UBAC2: variants seen among roughly 807,000 people sequenced by gnomAD.
The protein encoded by UBAC2 is UBA domain containing 2.
In UBAC2, 26 loss-of-function variants were observed where a neutral mutation model predicts 44.0. The ratio of observed to expected loss-of-function variants is 0.59; its 90% CI spans 0.43 to 0.82. UBAC2 has a LOEUF of 0.82. Ranked by LOEUF, UBAC2 falls within the 40% of genes least tolerant of loss-of-function variation. The pLI is 0.00. For synonymous variants in UBAC2, 155 were observed against 154.3 expected (o/e 1.00, Z -0.04); for missense variants, 329 against 419.4 (o/e 0.78, Z 1.88).
chr13:99,235,761 G>A (rs1157099398), intron 1 of UBAC2, among the ~76,000 whole-genome samples: 1 of 152,152 alleles, frequency 6.6e-6, no homozygotes, highest in Non-Finnish European at 1.5e-5. Context: ...GATCACTTGA[G>A]GCTAGGAGTT....
At chr13:99,356,159 G>A (rs1445291971) in intron 7 of UBAC2, 2 of 534,710 alleles carry the variant, frequency 3.7e-6, no homozygotes, top group South Asian at 2.8e-5. Flanking sequence ...CCTTGCAGGG[G>A]CTGTTGGGTT....
intron 4 of UBAC2, among the ~76,000 whole-genome samples, chr13:99,246,911 C>G: frequency 6.6e-6 from 1 of 152,164 alleles, no homozygotes; most frequent in Admixed American, 6.5e-5. Flanking sequence ...TTTTTTAAAT[C>G]TTCAGGCTTT....
rs1299647008 is a variant in UBAC2 at position 99,215,569 on chromosome 13, C to G, written c.31+14630C>G. On this transcript the variant is annotated intron_variant, in intron 1 of 8. Transcript: ENST00000403766. ...TTTCCTGCCAGTTCAAGTCCCTCTG[C>G]GGTGAGGTACTCCAGGATGGCTGCG... The G allele has an allele frequency of 2.2e-6, 3 of 1,391,416 alleles. No homozygotes were observed. The Admixed American group carries it at 5.0e-5, about 23-fold the overall frequency. The allele number at this position is 1,391,416 out of a possible 1,614,324, so 86.2% of individuals were successfully genotyped here.
intron 4 of UBAC2, among the ~76,000 whole-genome samples, chr13:99,263,610 A>G (rs1221137362): frequency 6.6e-6 from 1 of 152,210 alleles, no homozygotes; most frequent in Non-Finnish European, 1.5e-5. Context: ...GAAGATACCA[A>G]CACTCCATGA....
intron 8 of UBAC2, among the ~76,000 whole-genome samples, chr13:99,376,747 A>G (rs966855212): frequency 2.0e-5 from 3 of 152,254 alleles, no homozygotes; most frequent in Non-Finnish European, 4.4e-5. Flanking sequence ...TTTGGGGGCT[A>G]GAAACCAAGC....
chr13:99,257,481 T>C (rs1001840450), intron 4 of UBAC2, among the ~76,000 whole-genome samples: 10 of 152,220 alleles, frequency 6.6e-5, no homozygotes, highest in Non-Finnish European at 1.5e-4. Flanking sequence ...TGAGTCTTTT[T>C]TCCCACGTTA....
chr13:99,215,569 C>T (rs1299647008), intron 1 of UBAC2: 7 of 1,391,290 alleles, frequency 5.0e-6, no homozygotes, highest in South Asian at 2.3e-5. Flanking sequence ...AGTCCCTCTG[C>T]GGTGAGGTAC....
At chr13:99,371,152 G>T (rs1163657771) in intron 8 of UBAC2, among the ~76,000 whole-genome samples, 2 of 151,564 alleles carry the variant, frequency 1.3e-5, no homozygotes, top group Non-Finnish European at 2.9e-5. Flanking sequence ...AGTCTTCAGG[G>T]TTGTTTTTTT....
chr13:99,299,677 C>T (rs1161569862), intron 4 of UBAC2, among the ~76,000 whole-genome samples: 1 of 152,092 alleles, frequency 6.6e-6, no homozygotes, highest in African/African-American at 2.4e-5. Flanking sequence ...TGTTATCTGA[C>T]ATGCTTTTCA....
intron 4 of UBAC2, among the ~76,000 whole-genome samples, chr13:99,247,194 TG>T (rs1401168474): frequency 4.6e-5 from 2 of 43,754 alleles, no homozygotes; most frequent in Non-Finnish European, 6.8e-5. Flanking sequence ...AGAAAACTAC[TG>T]TTTTTTTTTT....
intron 1 of UBAC2, among the ~76,000 whole-genome samples, chr13:99,212,289 C>G (rs950828196): frequency 6.6e-6 from 1 of 152,162 alleles, no homozygotes; most frequent in Non-Finnish European, 1.5e-5. Flanking sequence ...TGAAATGGTA[C>G]TATGAGGAGC....
chr13:99,204,695 G>C (rs534887696), intron 1 of UBAC2, among the ~76,000 whole-genome samples: 46 of 152,102 alleles, frequency 3.0e-4, no homozygotes, highest in African/African-American at 1.1e-3. Flanking sequence ...GAAAGAAAGA[G>C]GCCCCCCCAG....
At chr13:99,365,756 A>G (rs1232436917) in intron 7 of UBAC2, among the ~76,000 whole-genome samples, 1 of 152,164 alleles carries the variant, frequency 6.6e-6, no homozygotes, top group Non-Finnish European at 1.5e-5. Context: ...CAAGGTATAT[A>G]TGTCCATTCA....
intron 4 of UBAC2, among the ~76,000 whole-genome samples, chr13:99,305,370 C>T (rs1307007634): frequency 6.6e-6 from 1 of 151,480 alleles, no homozygotes; most frequent in East Asian, 1.9e-4. Flanking sequence ...CACCACGCGT[C>T]CTCTACACAG....
chr13:99,203,183 C>T (rs1359036400), intron 1 of UBAC2, among the ~76,000 whole-genome samples: 3 of 151,982 alleles, frequency 2.0e-5, no homozygotes, highest in Non-Finnish European at 4.4e-5. Context: ...ATTACAGGTG[C>T]CCACCATCAC....
At chr13:99,275,950 C>G (rs2043876453) in intron 4 of UBAC2, among the ~76,000 whole-genome samples, 1 of 152,180 alleles carries the variant, frequency 6.6e-6, no homozygotes, top group African/African-American at 2.4e-5. Context: ...CCAGATCATA[C>G]TCTCCACTCT....
At chr13:99,326,005 G>A (rs958565657) in intron 6 of UBAC2, among the ~76,000 whole-genome samples, 1 of 152,214 alleles carries the variant, frequency 6.6e-6, no homozygotes, top group Non-Finnish European at 1.5e-5. Flanking sequence ...TGACATGAGA[G>A]TGCCGAGACC....
intron 4 of UBAC2, among the ~76,000 whole-genome samples, chr13:99,275,320 A>G (rs1320554767): frequency 1.3e-5 from 2 of 152,190 alleles, no homozygotes; most frequent in Non-Finnish European, 2.9e-5. Flanking sequence ...GCCTCCTGAC[A>G]TAGCAGCTAT....
intron 7 of UBAC2, among the ~76,000 whole-genome samples, chr13:99,341,918 T>C (rs1386431277): frequency 6.6e-6 from 1 of 152,208 alleles, no homozygotes; most frequent in Non-Finnish European, 1.5e-5. Flanking sequence ...AGATGACTGA[T>C]AGTTCCATTT....
Sources: gnomAD v4.1 joint callset for allele counts (sites outside exome capture counted in the v4.1 genomes callset) on GRCh38, gnomAD v4.1.1 for gene constraint, MANE v1.5 for transcripts, NCBI Gene and HGNC (gene_info 2026-07-23, HGNC 2026-07-21) for gene names.